The following CDKAL1 variants were observed in gnomAD, a reference collection of about 807,000 sequenced individuals.
CDKAL1 encodes threonylcarbamoyladenosine tRNA methylthiotransferase.
Under a neutral mutation model 68.2 loss-of-function variants are expected in CDKAL1, and 32 were observed. The observed-to-expected ratio is 0.47, with a 90% CI of 0.35 to 0.63. CDKAL1 has a LOEUF of 0.63. Ranked by LOEUF, CDKAL1 falls within the 30% of genes least tolerant of loss-of-function variation. The pLI is 0.00. For synonymous variants in CDKAL1, 234 were observed against 244.3 expected (o/e 0.96, Z 0.39); for missense variants, 606 against 696.7 (o/e 0.87, Z 1.47).
chr6:20,853,395 A>AC (rs1260102680), intron 9 of CDKAL1, among the ~76,000 whole-genome samples: 72 of 33,076 alleles, frequency 2.2e-3, no homozygotes, highest in African/African-American at 3.4e-3. Flanking sequence ...ACAAAACAAA[A>AC]AAAAAACAAA....
At chr6:20,967,337 C>A (rs554142004) in intron 10 of CDKAL1, among the ~76,000 whole-genome samples, 13 of 152,142 alleles carry the variant, frequency 8.5e-5, no homozygotes, top group Non-Finnish European at 1.3e-4. Flanking sequence ...AATAGAAATT[C>A]TTTAGTATGA....
intron 5 of CDKAL1, among the ~76,000 whole-genome samples, chr6:20,675,362 A>G (rs1301610838): frequency 6.6e-6 from 1 of 152,182 alleles, no homozygotes; most frequent in Admixed American, 6.5e-5. Context: ...AAATTTCTGT[A>G]TATGTTCTTT....
chr6:20,588,116 C>T (rs1463838241), intron 4 of CDKAL1, among the ~76,000 whole-genome samples: 6 of 151,990 alleles, frequency 3.9e-5, no homozygotes, highest in Admixed American at 6.6e-5. Flanking sequence ...CAAAATAAAA[C>T]AAAAACACCA....
chr6:20,757,255 A>G (rs1207464037), intron 6 of CDKAL1, among the ~76,000 whole-genome samples: 1 of 152,020 alleles, frequency 6.6e-6, no homozygotes, highest in Non-Finnish European at 1.5e-5. Context: ...TTTTTAATAA[A>G]GTTTTTTAAA....
chr6:20,727,320 A>G (rs1276672867), intron 5 of CDKAL1, among the ~76,000 whole-genome samples: 1 of 152,232 alleles, frequency 6.6e-6, no homozygotes, highest in Non-Finnish European at 1.5e-5. Context: ...GATAAAGGAC[A>G]GATTAACAGG....
intron 7 of CDKAL1, chr6:20,772,693 C>T (rs1260604794): frequency 6.6e-6 from 1 of 152,120 alleles, no homozygotes; most frequent in Non-Finnish European, 1.5e-5. Context: ...TTCATCTTTC[C>T]ATGTTCTCTT....
chr6:20,767,322 A>G (rs1774744175), intron 7 of CDKAL1, among the ~76,000 whole-genome samples: 1 of 152,304 alleles, frequency 6.6e-6, no homozygotes, highest in Admixed American at 6.5e-5. Context: ...GCACAATAGT[A>G]AATTGTATTG....
intron 12 of CDKAL1, among the ~76,000 whole-genome samples, chr6:21,106,437 AGG>A: frequency 6.6e-6 from 1 of 152,192 alleles, no homozygotes; most frequent in East Asian, 1.9e-4. Context: ...AATAACAGCC[AGG>A]CTTGGTGTCT....
At chr6:21,005,411 C>T (rs1767672442) in intron 11 of CDKAL1, among the ~76,000 whole-genome samples, 1 of 152,124 alleles carries the variant, frequency 6.6e-6, no homozygotes. Context: ...TAAGAATATC[C>T]TACGGATAGA....
chr6:20,763,107 A>G (rs1774540105), intron 7 of CDKAL1, among the ~76,000 whole-genome samples: 1 of 152,184 alleles, frequency 6.6e-6, no homozygotes, highest in African/African-American at 2.4e-5. Context: ...GCTGACCTGT[A>G]TGGATTGAAT....
intron 8 of CDKAL1, among the ~76,000 whole-genome samples, chr6:20,798,053 T>G (rs1274296561): frequency 1.3e-5 from 2 of 151,924 alleles, no homozygotes; most frequent in Non-Finnish European, 2.9e-5. Flanking sequence ...TGGGCTCAAG[T>G]GATCTTCCCA....
At chr6:20,702,927 C>G (rs1771435706) in intron 5 of CDKAL1, among the ~76,000 whole-genome samples, 1 of 152,196 alleles carries the variant, frequency 6.6e-6, no homozygotes, top group South Asian at 2.1e-4. Flanking sequence ...CCCTTCCCAG[C>G]ACTCCCGTAT....
chr6:20,691,400 T>C (rs879268655), intron 5 of CDKAL1, among the ~76,000 whole-genome samples: 20 of 151,860 alleles, frequency 1.3e-4, no homozygotes, highest in Non-Finnish European at 2.6e-4. Flanking sequence ...TAATAGAGCT[T>C]ACACCGAGTA....
At chr6:21,069,145 C>A (rs1771615701) in intron 12 of CDKAL1, among the ~76,000 whole-genome samples, 1 of 152,066 alleles carries the variant, frequency 6.6e-6, no homozygotes. Context: ...CATTCCAATT[C>A]TCATGACTTT....
At chr6:20,789,553 A>G (rs1403532735) in intron 8 of CDKAL1, among the ~76,000 whole-genome samples, 1 of 152,254 alleles carries the variant, frequency 6.6e-6, no homozygotes, top group Non-Finnish European at 1.5e-5. Flanking sequence ...AGTTACTAGC[A>G]TAGAGAAATT....
At chr6:20,751,403 G>T (rs1295527136) in intron 6 of CDKAL1, among the ~76,000 whole-genome samples, 1 of 152,148 alleles carries the variant, frequency 6.6e-6, no homozygotes, top group Non-Finnish European at 1.5e-5. Context: ...ATTTAAATAT[G>T]AATTAAGTTC....
At chr6:20,865,697 C>G (rs1759874407) in intron 9 of CDKAL1, among the ~76,000 whole-genome samples, 1 of 151,812 alleles carries the variant, frequency 6.6e-6, no homozygotes, top group African/African-American at 2.4e-5. Flanking sequence ...GAAAAATCTG[C>G]ATTTCATGTT....
chr6:21,062,510 T>G (rs1368541831), intron 11 of CDKAL1, among the ~76,000 whole-genome samples: 1 of 152,194 alleles, frequency 6.6e-6, no homozygotes, highest in Non-Finnish European at 1.5e-5. Flanking sequence ...AAAAATATGT[T>G]TATATCACAA....
chr6:20,664,216 T>C (rs539053577), intron 5 of CDKAL1, among the ~76,000 whole-genome samples: 8 of 152,284 alleles, frequency 5.3e-5, no homozygotes, highest in African/African-American at 1.9e-4. Flanking sequence ...ACCCATTCTT[T>C]ACTGTTTCTT....
Sources: allele counts gnomAD v4.1 joint callset (sites outside exome capture counted in the v4.1 genomes callset), GRCh38; gene constraint gnomAD v4.1.1; transcripts MANE v1.5; gene names NCBI Gene and HGNC (gene_info 2026-07-23, HGNC 2026-07-21).